The following COL15A1 variants were observed in gnomAD, a reference collection of about 807,000 sequenced individuals.
The protein encoded by COL15A1 is collagen alpha-1(XV) chain.
A neutral mutation model predicts 165.9 loss-of-function variants in COL15A1; 111 were observed. That is an observed-to-expected ratio of 0.67 (90% CI 0.57 to 0.78). COL15A1 has a LOEUF of 0.78. Among genes scored for constraint, COL15A1 ranks in the 30% least tolerant of loss-of-function variants. The pLI, the probability that COL15A1 is intolerant of heterozygous loss-of-function variation, is 0.00. For missense variants in COL15A1, 1,745 were observed against 1,789.7 expected (o/e 0.98, Z 0.45); for synonymous variants, 659 against 674.8 (o/e 0.98, Z 0.36).
chr9:99,018,103 T>C (rs1011936307), intron 11 of COL15A1, among the ~76,000 whole-genome samples: 4 of 152,244 alleles, frequency 2.6e-5, no homozygotes, highest in African/African-American at 7.2e-5. Flanking sequence ...GTTTTGGTCA[T>C]AGCCATAGTA....
At chr9:99,022,250 T>C in intron 13 of COL15A1, 100 bp downstream of exon 13, 1 of 1,488,932 alleles carries the variant, frequency 6.7e-7, no homozygotes, top group Non-Finnish European at 9.3e-7. Context: ...GCCCCCAAAG[T>C]ATCTTGCAGT....
At chr9:98,964,284 T>C (rs1449120860) in intron 2 of COL15A1, among the ~76,000 whole-genome samples, 2 of 147,484 alleles carry the variant, frequency 1.4e-5, no homozygotes, top group Admixed American at 1.3e-4. Context: ...CCTCTCCCAT[T>C]ATTCTGGTGG....
At chr9:99,060,552 A>T (rs1825799555) in intron 36 of COL15A1, among the ~76,000 whole-genome samples, 1 of 151,306 alleles carries the variant, frequency 6.6e-6, no homozygotes, top group South Asian at 2.1e-4. Flanking sequence ...GAGTACAGAC[A>T]CGAGCCACCA....
rs1839140633 is a variant in COL15A1 at position 99,027,187 on chromosome 9, C to T, written c.2043+1221C>T. ...CAATAAAGACAAGGTGAGCCCTGTG[C>T]TAGGGATGCGATCAGTGGGTTTTAC... On this transcript the variant is annotated intron_variant, in intron 16 of 41. Transcript: ENST00000375001. Among the ~76,000 whole-genome samples the T allele has an allele frequency of 2.6e-5, 4 of 152,122 alleles. No individual in the cohort carries two copies. The South Asian group carries it at 8.3e-4, about 32-fold the overall frequency.
chr9:99,044,854 C>A, intron 26 of COL15A1, 84 bp downstream of exon 26: 1 of 1,307,460 alleles, frequency 7.6e-7, no homozygotes, highest in South Asian at 1.2e-5. Flanking sequence ...TTAGTTGTCC[C>A]GGTTATGAAA....
chr9:98,969,167 G>T (rs1400140979), intron 2 of COL15A1, among the ~76,000 whole-genome samples: 1 of 152,192 alleles, frequency 6.6e-6, no homozygotes, highest in African/African-American at 2.4e-5. Flanking sequence ...GGGGAAAATT[G>T]CACAAAGCTG....
At position 99,044,607 on chromosome 9, in the gene COL15A1, ATTCCTCT is replaced by A; in HGVS notation, c.2615_2621del (p.Ile872ArgfsTer4). 1 of 1,614,128 alleles carries A rather than the reference ATTCCTCT, an allele frequency of 6.2e-7. No individual in the cohort carries two copies. Among genetic ancestry groups the A allele is most frequent in the South Asian group, 1.1e-5 (1 of 91,078 alleles). Reference sequence around the variant, plus strand: ...GCCGGGTGCCATCCTGACAGAGGACATTCCTCTGGAAAGGCTGATGGGGAAAAAGGTA... The same window carrying A: ...GCCGGGTGCCATCCTGACAGAGGACAGGAAAGGCTGATGGGGAAAAAGGTA... On this transcript the variant is annotated frameshift_variant, in exon 25 of 42. Transcript: ENST00000375001. LOFTEE classifies it high-confidence loss of function.
intron 13 of COL15A1, among the ~76,000 whole-genome samples, chr9:99,022,971 C>T (rs949152339): frequency 1.3e-5 from 2 of 152,168 alleles, no homozygotes; most frequent in African/African-American, 4.8e-5. Flanking sequence ...AACTAAGCTT[C>T]GAGTCAGGTG....
chr9:98,944,308 G>A, intron 2 of COL15A1, 58 bp downstream of exon 2: 1 of 1,544,604 alleles, frequency 6.5e-7, no homozygotes, highest in Non-Finnish European at 8.8e-7. Flanking sequence ...GGGGAAGTCG[G>A]TTTTGGCGGC....
intron 15 of COL15A1, 127 bp from the exon 16 acceptor site, chr9:99,025,777 A>G: frequency 4.3e-6 from 4 of 923,934 alleles, no homozygotes; most frequent in Non-Finnish European, 6.9e-6. Flanking sequence ...CCTGCCTTGC[A>G]CCTGACATGA....
At chr9:99,005,143 G>A in intron 9 of COL15A1, 93 bp downstream of exon 9, 2 of 1,304,140 alleles carry the variant, frequency 1.5e-6, no homozygotes, top group Non-Finnish European at 2.1e-6. Flanking sequence ...CAAACCCATG[G>A]GAGCCTGAGG....
At chr9:99,059,979 C>T in intron 36 of COL15A1, 26 bp downstream of exon 36, 2 of 1,609,928 alleles carry the variant, frequency 1.2e-6, no homozygotes, top group South Asian at 1.1e-5. Flanking sequence ...AGTGTGTAGT[C>T]ATCATTCCAT....
At chr9:99,013,979 T>A (rs904291517) in intron 9 of COL15A1, among the ~76,000 whole-genome samples, 1 of 150,868 alleles carries the variant, frequency 6.6e-6, no homozygotes, top group African/African-American at 2.5e-5. Flanking sequence ...GTTGTGTTTT[T>A]TTTTCCCCTC....
chr9:99,001,610 C>T (rs1394757837), intron 7 of COL15A1, among the ~76,000 whole-genome samples: 1 of 152,200 alleles, frequency 6.6e-6, no homozygotes, highest in Admixed American at 6.5e-5. Flanking sequence ...CTTCTATACT[C>T]AGGCCTACTG....
chr9:98,993,446 G>A (rs181635250), intron 5 of COL15A1, among the ~76,000 whole-genome samples: 18 of 152,230 alleles, frequency 1.2e-4, no homozygotes, highest in Admixed American at 8.5e-4. Flanking sequence ...GCTGTGCCTC[G>A]AGGCCTGATG....
intron 2 of COL15A1, among the ~76,000 whole-genome samples, chr9:98,961,305 A>C (rs1837862362): frequency 6.6e-6 from 1 of 152,254 alleles, no homozygotes; most frequent in Non-Finnish European, 1.5e-5. Flanking sequence ...GATTGTACAA[A>C]AAGACTCTTT....
At position 99,034,568 on chromosome 9, in the gene COL15A1, G is replaced by A; in HGVS notation, c.2063G>A (p.Gly688Asp). The A allele has an allele frequency of 6.9e-7, 1 of 1,446,608 alleles. No individual in the cohort carries two copies. Among genetic ancestry groups the A allele is most frequent in the Non-Finnish European group, 9.2e-7 (1 of 1,092,098 alleles). 89.6% of individuals were successfully genotyped at this position (1,446,608 alleles called of 1,614,324 possible). A position where few individuals can be genotyped will look rare whatever the true frequency, so the allele number is the denominator to read the frequency against. ...KGEKGARGPN[G>D]SVGEKGDPGN... ...TTTCAGGGAGCAAGAGGGCCTAATGGCTCAGTTGGTGAAAAGGTAAAAAAA... is the reference window on the plus strand; with the variant it reads ...TTTCAGGGAGCAAGAGGGCCTAATGACTCAGTTGGTGAAAAGGTAAAAAAA... Residue 688 changes from glycine to aspartate, a missense_variant, in exon 17 of 42, where the codon GGC (glycine) becomes GAC (aspartate). Coordinates refer to ENST00000375001, the MANE Select transcript of COL15A1 (RefSeq NM_001855.5).
At chr9:99,041,213 T>C (rs1040826592) in intron 23 of COL15A1, 33 of 152,238 alleles carry the variant, frequency 2.2e-4, no homozygotes, top group Non-Finnish European at 5.9e-5. Flanking sequence ...TAGGCTTTCA[T>C]TTAAGACTTT....
chr9:98,983,093 C>A (rs1344569366), intron 2 of COL15A1, among the ~76,000 whole-genome samples: 1 of 152,114 alleles, frequency 6.6e-6, no homozygotes, highest in Non-Finnish European at 1.5e-5. Context: ...ATTTAACAAC[C>A]AAGTGTCTCA....
Sources: allele counts gnomAD v4.1 joint callset (sites outside exome capture counted in the v4.1 genomes callset), GRCh38; gene constraint gnomAD v4.1.1; transcripts MANE v1.5; gene names NCBI Gene and HGNC (gene_info 2026-07-23, HGNC 2026-07-21).